Variants in ME3 observed in about 807,000 individuals in gnomAD.
ME3 encodes the protein malic enzyme 3, also known as NADP-dependent malic enzyme, mitochondrial.
In ME3, 48 loss-of-function variants were observed where a neutral mutation model predicts 68.9. The ratio of observed to expected loss-of-function variants is 0.70; its 90% confidence interval spans 0.55 to 0.89. ME3 has a LOEUF of 0.89. Among genes scored for constraint, ME3 ranks in the 40% least tolerant of loss-of-function variants. ME3 has a pLI of 0.00. For missense variants in ME3, 675 were observed against 797.4 expected (o/e 0.85, Z 1.85); for synonymous variants, 320 against 318.8 (o/e 1.00, Z -0.04).
chr11:86,645,082 C>T (rs1257471822), intron 2 of ME3, among the ~76,000 whole-genome samples: 1 of 152,228 alleles, frequency 6.6e-6, no homozygotes, highest in Non-Finnish European at 1.5e-5. Flanking sequence ...AGGAGATTCC[C>T]TCGGGTGCCT....
chr11:86,464,929 G>T (rs1267353146), intron 8 of ME3, among the ~76,000 whole-genome samples, 162 bp downstream of exon 8: 1 of 152,226 alleles, frequency 6.6e-6, no homozygotes, highest in Non-Finnish European at 1.5e-5. Context: ...TTAAGAATTA[G>T]CCAAGTAGGA....
Position 86,468,136 on chromosome 11 carries a change from C to T in ME3, c.810-2936G>A, listed in dbSNP as rs116803835. On this transcript the variant is annotated intron_variant, in intron 7 of 14. Coordinates refer to ENST00000543262, the Ensembl canonical transcript of ME3. ...TTCCTTCTATGTCTCTTCACTTCCA[C>T]TGCACCTGCTGTTTGTCTGCACCAA... 4.2e-3 allele frequency among the ~76,000 whole-genome samples: 633 copies of T among 152,308 alleles called. 6 individuals are homozygous for T. Among genetic ancestry groups the T allele is most frequent in the African/African-American group, 0.015 (613 of 41,552 alleles).
chr11:86,645,619 G>A (rs1944958858), intron 2 of ME3, among the ~76,000 whole-genome samples: 2 of 152,202 alleles, frequency 1.3e-5, no homozygotes, highest in Non-Finnish European at 2.9e-5. Flanking sequence ...GGCTGTGGGT[G>A]CAGCTTCAGC....
chr11:86,454,681 A>T (rs1296998235), intron 8 of ME3, among the ~76,000 whole-genome samples: 2 of 152,262 alleles, frequency 1.3e-5, no homozygotes, highest in Non-Finnish European at 2.9e-5. Flanking sequence ...CAGGATGTGA[A>T]TCCAGGGAAT....
intron 2 of ME3, among the ~76,000 whole-genome samples, chr11:86,602,638 C>T (rs187271747): frequency 6.6e-6 from 1 of 152,122 alleles, no homozygotes. Flanking sequence ...AAAGAGCCCG[C>T]ATCAGTAAGT....
intron 6 of ME3, 100 bp from the exon 7 acceptor site, chr11:86,487,540 G>A: frequency 1.1e-6 from 1 of 904,888 alleles, no homozygotes; most frequent in South Asian, 1.5e-5. Flanking sequence ...CCAGAAGGTG[G>A]GAGGAGAGGG....
chr11:86,582,798 G>T (rs1420988629), intron 2 of ME3, among the ~76,000 whole-genome samples: 1 of 151,614 alleles, frequency 6.6e-6, no homozygotes, highest in African/African-American at 2.4e-5. Flanking sequence ...CTGCTACTGG[G>T]TAAGTTTATA....
intron 5 of ME3, among the ~76,000 whole-genome samples, chr11:86,507,608 T>C (rs1042590407): frequency 1.3e-5 from 2 of 152,192 alleles, no homozygotes; most frequent in Admixed American, 6.5e-5. Context: ...AACTCCTCCA[T>C]AGACATCTCT....
chr11:86,608,910 TA>T (rs1206635536), intron 2 of ME3, among the ~76,000 whole-genome samples: 1 of 152,204 alleles, frequency 6.6e-6, no homozygotes, highest in African/African-American at 2.4e-5. Context: ...AAAAGGCACG[TA>T]TTTTTTTGGA....
intron 4 of ME3, among the ~76,000 whole-genome samples, chr11:86,517,516 A>G (rs1565888183): frequency 6.6e-6 from 1 of 152,150 alleles, no homozygotes; most frequent in Admixed American, 6.5e-5. Flanking sequence ...CTCAGTTCCA[A>G]TTTAATCAGA....
In ME3 at chr11:86,606,163, T is replaced by G. The variant is rs73524052; in HGVS notation, c.184-46340A>C. 5.4e-3 allele frequency among the ~76,000 whole-genome samples: 816 copies of G among 152,306 alleles called. 5 individuals carry two copies. The highest frequency in any genetic ancestry group is 0.019 in the African/African-American group (771 of 41,562). Reference sequence around the variant, plus strand: ...CCCTTACATAGCAATGGTCAATTTATCCATTGATCTCTACTATATAATGGG... The same window carrying G: ...CCCTTACATAGCAATGGTCAATTTAGCCATTGATCTCTACTATATAATGGG... On this transcript the variant is annotated intron_variant, in intron 2 of 14. Transcript: ENST00000543262.
At chr11:86,524,789 A>G (rs1337818715) in intron 4 of ME3, among the ~76,000 whole-genome samples, 1 of 152,210 alleles carries the variant, frequency 6.6e-6, no homozygotes, top group African/African-American at 2.4e-5. Context: ...CCTGGAAGCA[A>G]ATGTAAGAGA....
chr11:86,544,475 C>A (rs971563266), intron 4 of ME3, among the ~76,000 whole-genome samples: 1 of 152,162 alleles, frequency 6.6e-6, no homozygotes, highest in Non-Finnish European at 1.5e-5. Flanking sequence ...AAGGAGATAT[C>A]ACCACTGATT....
intron 8 of ME3, among the ~76,000 whole-genome samples, chr11:86,456,939 C>T (rs544568012): frequency 1.5e-4 from 23 of 152,276 alleles, no homozygotes; most frequent in East Asian, 1.9e-4. Flanking sequence ...TGGAGAGTGA[C>T]GCTCAAGGGA....
At chr11:86,649,602 C>G (rs929576484) in intron 2 of ME3, among the ~76,000 whole-genome samples, 1 of 152,188 alleles carries the variant, frequency 6.6e-6, no homozygotes, top group Non-Finnish European at 1.5e-5. Context: ...AGCTGACAAG[C>G]AACTTCAGTA....
chr11:86,502,602 G>T (rs756565189), intron 5 of ME3, among the ~76,000 whole-genome samples: 1 of 152,186 alleles, frequency 6.6e-6, no homozygotes, highest in African/African-American at 2.4e-5. Flanking sequence ...TGGACCTTAC[G>T]CTGGGAGCCA....
intron 7 of ME3, among the ~76,000 whole-genome samples, chr11:86,473,619 GAC>G (rs1950901386): frequency 6.6e-6 from 1 of 152,148 alleles, no homozygotes; most frequent in Admixed American, 6.5e-5. Flanking sequence ...ATGGGAAGAA[GAC>G]ACAGTCAGAT....
chr11:86,482,773 A>G (rs1322352223), intron 7 of ME3, among the ~76,000 whole-genome samples: 1 of 151,972 alleles, frequency 6.6e-6, no homozygotes, highest in Non-Finnish European at 1.5e-5. Context: ...GAGAGACCCT[A>G]AGACTCAATG....
intron 8 of ME3, among the ~76,000 whole-genome samples, chr11:86,452,756 G>A (rs565153773): frequency 7.5e-4 from 114 of 152,292 alleles, no homozygotes; most frequent in African/African-American, 2.7e-3. Flanking sequence ...TTTTATATAA[G>A]TTCTGTTGGA....
Sources: gnomAD v4.1 joint callset for allele counts (sites outside exome capture counted in the v4.1 genomes callset) on GRCh38, gnomAD v4.1.1 for gene constraint, MANE v1.5 for transcripts, NCBI Gene and HGNC (gene_info 2026-07-23, HGNC 2026-07-21) for gene names.